Variants in CTLA4 observed in about 807,000 individuals in gnomAD.
CTLA4 encodes the protein cytotoxic T-lymphocyte protein 4.
Under a neutral mutation model 20.4 loss-of-function variants are expected in CTLA4, and 3 were observed. The ratio of observed to expected loss-of-function variants is 0.15; its 90% confidence interval spans 0.07 to 0.38. CTLA4 has a LOEUF of 0.38. Ranked by LOEUF, CTLA4 falls within the 10% of genes least tolerant of loss-of-function variation. The pLI, the probability that CTLA4 is intolerant of heterozygous loss-of-function variation, is 1.00. For synonymous variants in CTLA4, 100 were observed against 105.2 expected, an observed-to-expected ratio of 0.95 and a Z score of 0.30; for missense variants, 184 against 276.8, an observed-to-expected ratio of 0.66 and a Z score of 2.38.
chr2:203,873,196 C>T lies in CTLA4; in HGVS notation c.*384C>T, dbSNP rs1047653322. 7.2e-5 allele frequency: 29 copies of T among 402,204 alleles called. No homozygotes were observed. The highest frequency in any genetic ancestry group is 6.2e-4 in the Middle Eastern group (1 of 1,618). 24.9% of individuals were successfully genotyped at this position (402,204 alleles called of 1,614,324 possible). ...TATTTACGTATGAGACGTTTATAGC[C>T]GAAATGATCTTTTCAAGTTAAATTT... On this transcript the variant is annotated 3_prime_UTR_variant, in exon 4 of 4. Transcript: ENST00000648405.
In CTLA4 at chr2:203,867,911, C is replaced by T. The variant is rs769380431; in HGVS notation, c.-32C>T. 14 of 1,547,806 alleles carry T rather than the reference C, an allele frequency of 9.0e-6. No individual in the cohort carries two copies. The highest frequency in any genetic ancestry group is 1.2e-5 in the Non-Finnish European group (14 of 1,121,032). ...GATCCTGAAAGGTTTTGCTCTACTT[C>T]CTGAAGACCTGAACACCGCTCCCAT... On this transcript the variant is annotated 5_prime_UTR_variant, in exon 1 of 4. Transcript: ENST00000648405.
chr2:203,868,083 G>T lies in CTLA4; in HGVS notation c.109+32G>T, dbSNP rs372230996. 8.6e-6 allele frequency: 13 copies of T among 1,506,466 alleles called. No individual in the cohort carries two copies. The African/African-American group carries it at 1.8e-4, about 21-fold the overall frequency. The allele number at this position is 1,506,466 out of a possible 1,614,324, so 93.3% of individuals were successfully genotyped here. On this transcript the variant is annotated intron_variant, in intron 1 of 3. Transcript: ENST00000648405. ...GAGACTTTTGGAGCATGAAGATGGAGGAGGTGTTTCTCCTACCTGGGTTTC... is the reference window on the plus strand; with the variant it reads ...GAGACTTTTGGAGCATGAAGATGGATGAGGTGTTTCTCCTACCTGGGTTTC...
chr2:203,873,064 G>C lies in CTLA4; in HGVS notation c.*252G>C, dbSNP rs1166910722. On this transcript the variant is annotated 3_prime_UTR_variant, in exon 4 of 4. Transcript: ENST00000648405. ...GAAAGCATCACTTGGGATTAATATG[G>C]GGATGCAGCATTATGATGTGGGTCA... 1 of 578,752 alleles carries C rather than the reference G, an allele frequency of 1.7e-6. No homozygotes were observed. The highest frequency in any genetic ancestry group is 1.9e-5 in the African/African-American group (1 of 53,650). 35.9% of individuals were successfully genotyped at this position (578,752 alleles called of 1,614,324 possible).
At chr2:203,869,232 A>G (rs939602422) in intron 1 of CTLA4, among the ~76,000 whole-genome samples, 23 of 152,210 alleles carry the variant, frequency 1.5e-4, no homozygotes, top group Non-Finnish European at 2.6e-4. Context: ...ACCACAAGTA[A>G]AAGAGTGAGG....
rs552163643 is a variant in CTLA4 at position 203,873,436 on chromosome 2, A to T, written c.*624A>T. On this transcript the variant is annotated 3_prime_UTR_variant, in exon 4 of 4. Coordinates refer to ENST00000648405, the MANE Select transcript of CTLA4 (RefSeq NM_005214.5). ...CCACGTATGTTTTTGTGTATTTGTTAATGGTTTGAATATAAACACTATATG... is the reference window on the plus strand; with the variant it reads ...CCACGTATGTTTTTGTGTATTTGTTTATGGTTTGAATATAAACACTATATG... The T allele has an allele frequency of 4.6e-6, 1 of 217,044 alleles. No homozygotes were observed. The highest frequency in any genetic ancestry group is 1.8e-4 in the South Asian group (1 of 5,432). 13.4% of individuals were successfully genotyped at this position (217,044 alleles called of 1,614,324 possible).
chr2:203,870,590 G>A lies in CTLA4; in HGVS notation c.114G>A (p.Met38Ile). ...CCTTTGGCTTTTCCATGCTAGCAAT[G>A]CACGTGGCCCAGCCTGCTGTGGTAC... is the stretch of plus-strand genomic sequence containing the variant. ...LLFIPVFCKA[M>I]HVAQPAVVLA... Residue 38 changes from methionine (M) to isoleucine (I), a missense_variant, in exon 2 of 4, where the codon ATG (methionine) becomes ATA (isoleucine). Transcript: ENST00000648405. This position sits in a 1 kb window ranked among gnomAD's most constrained non-coding sequence, Gnocchi z 5.3. 1.2e-6 allele frequency: 2 copies of A among 1,613,000 alleles called. No homozygotes were observed. The highest frequency in any genetic ancestry group is 1.7e-6 in the Non-Finnish European group (2 of 1,179,064).
At position 203,873,366 on chromosome 2, in the gene CTLA4, ATATATATATATATATATT is replaced by A. The variant is rs1688772742; in HGVS notation, c.*556_*573del. 1 of 26,238 alleles carries A rather than the reference ATATATATATATATATATT, an allele frequency of 3.8e-5. No individual in the cohort carries two copies. 1.6% of individuals were successfully genotyped at this position (26,238 alleles called of 1,614,324 possible). A position where few individuals can be genotyped will look rare whatever the true frequency, so the allele number is the denominator to read the frequency against. On this transcript the variant is annotated 3_prime_UTR_variant, in exon 4 of 4. Transcript: ENST00000648405. ...TATATATATATATATATATATATAT[ATATATATATATATATATT>A]TTAATTTGATAGTATTGTGCATAGA...
At chr2:203,871,250 A>G in intron 2 of CTLA4, 128 bp from the exon 3 acceptor site, 1 of 754,886 alleles carries the variant, frequency 1.3e-6, no homozygotes, top group Non-Finnish European at 2.2e-6. Flanking sequence ...TTGGTGGGCT[A>G]CCCATGCAAT....
Position 203,867,859 on chromosome 2 carries a change from G to T in CTLA4, c.-84G>T. Reference sequence around the variant, plus strand: ...CTATATAAAGTCCTTGATTCTGTGTGGGTTCAAACACATTTCAAAGCTTCA... The same window carrying T: ...CTATATAAAGTCCTTGATTCTGTGTTGGTTCAAACACATTTCAAAGCTTCA... On this transcript the variant is annotated 5_prime_UTR_variant, in exon 1 of 4. Transcript: ENST00000648405. The T allele has an allele frequency of 1.1e-6, 1 of 919,542 alleles. No individual in the cohort carries two copies. The highest frequency in any genetic ancestry group is 2.5e-5 in the East Asian group (1 of 39,618). 57.0% of individuals were successfully genotyped at this position (919,542 alleles called of 1,614,324 possible).
At chr2:203,871,520 A>T in intron 3 of CTLA4, 33 bp downstream of exon 3, 1 of 1,508,540 alleles carries the variant, frequency 6.6e-7, no homozygotes, top group South Asian at 1.1e-5. Flanking sequence ...ACCATGTCTG[A>T]TGGGGATACC....
chr2:203,869,607 G>A (rs1688691841), intron 1 of CTLA4, among the ~76,000 whole-genome samples: 1 of 152,204 alleles, frequency 6.6e-6, no homozygotes. Context: ...ATTTGTTTTT[G>A]CGATCAGTGT....
chr2:203,871,511 C>G (rs1688732618), intron 3 of CTLA4, 24 bp downstream of exon 3: 1 of 1,557,446 alleles, frequency 6.4e-7, no homozygotes, highest in African/African-American at 1.4e-5. Context: ...TGATGGTGCA[C>G]CATGTCTGAT....
At chr2:203,868,738 G>A (rs1484086759) in intron 1 of CTLA4, among the ~76,000 whole-genome samples, 3 of 152,036 alleles carry the variant, frequency 2.0e-5, no homozygotes, top group African/African-American at 2.4e-5. Flanking sequence ...CCTGACCTAC[G>A]TGTGGGTTTC....
intron 1 of CTLA4, 118 bp downstream of exon 1, chr2:203,868,169 C>G: frequency 2.6e-6 from 2 of 779,050 alleles, no homozygotes; most frequent in Non-Finnish European, 4.2e-6. Flanking sequence ...AGGTAAAACT[C>G]CAATCTGGCT....
rs1688772241 is a variant in CTLA4, at chr2:203,873,361, TATATATATATATATATATATA to T, written c.*550_*570del. 4.0e-4 allele frequency: 21 copies of T among 52,206 alleles called. No homozygotes were observed. The highest frequency in any genetic ancestry group is 8.4e-4 in the African/African-American group (16 of 18,974). 3.2% of individuals were successfully genotyped at this position (52,206 alleles called of 1,614,324 possible). A position where few individuals can be genotyped will look rare whatever the true frequency, so the allele number is the denominator to read the frequency against. Reference sequence around the variant, plus strand: ...ATATATATATATATATATATATATATATATATATATATATATATATATTTTAATTTGATAGTATTGTGCATA... The same window carrying T: ...ATATATATATATATATATATATATATTTTTAATTTGATAGTATTGTGCATA... On this transcript the variant is annotated 3_prime_UTR_variant, in exon 4 of 4. Transcript: ENST00000648405.
In CTLA4 at chr2:203,870,681, G is replaced by A. The variant is rs557116456; in HGVS notation, c.205G>A (p.Val69Ile). The A allele has an allele frequency of 3.7e-6, 6 of 1,614,212 alleles. No individual in the cohort carries two copies. In the African/African-American group the frequency reaches 5.3e-5, roughly 14 times the overall value. The change falls in exon 2 of 4, where the codon GTC becomes ATC. Residue 69 changes from valine to isoleucine, a missense_variant. Around this residue, in one of 3 missense-constraint regions of CTLA4, gnomAD observed 147 missense variants for 223.4 expected, o/e 0.66. Coordinates refer to ENST00000648405, the MANE Select transcript of CTLA4 (RefSeq NM_005214.5). This position sits in a 1 kb window ranked among gnomAD's most constrained non-coding sequence, Gnocchi z 5.3. ...EYASPGKATE[V>I]RVTVLRQADS... ...TGCATCTCCAGGCAAAGCCACTGAG[G>A]TCCGGGTGACAGTGCTTCGGCAGGC...
In CTLA4 at chr2:203,870,733, C is replaced by T. The variant is rs376038796; in HGVS notation, c.257C>T (p.Ala86Val). 30 of 1,614,182 alleles carry T rather than the reference C, an allele frequency of 1.9e-5. No individual in the cohort carries two copies. Among genetic ancestry groups the T allele is most frequent in the African/African-American group, 9.3e-5 (7 of 75,038 alleles). Reference protein sequence around the residue: ...QADSQVTEVCAATYMMGNELT... With the variant: ...QADSQVTEVCVATYMMGNELT... ...GACAGCCAGGTGACTGAAGTCTGTG[C>T]GGCAACCTACATGATGGGGAATGAG... Residue 86 changes from alanine (A) to valine (V), a missense_variant, in exon 2 of 4, where the codon GCG (alanine) becomes GTG (valine). By Grantham distance (64) the Ala-to-Val change is moderately conservative. This residue lies in a region of CTLA4 where 147 missense variants were observed against 223.4 expected (regional missense o/e 0.66). Coordinates refer to ENST00000648405, the MANE Select transcript of CTLA4 (RefSeq NM_005214.5). The surrounding 1 kb of genome is among the most constrained non-coding windows in gnomAD (Gnocchi z 5.3).
At position 203,873,195 on chromosome 2, in the gene CTLA4, C is replaced by T; in HGVS notation, c.*383C>T. 1 of 403,290 alleles carries T rather than the reference C, an allele frequency of 2.5e-6. No individual in the cohort carries two copies. Among genetic ancestry groups the T allele is most frequent in the Non-Finnish European group, 4.4e-6 (1 of 228,454 alleles). 25.0% of individuals were successfully genotyped at this position (403,290 alleles called of 1,614,324 possible). A position where few individuals can be genotyped will look rare whatever the true frequency, so the allele number is the denominator to read the frequency against. On this transcript the variant is annotated 3_prime_UTR_variant, in exon 4 of 4. Transcript: ENST00000648405. ...ATATTTACGTATGAGACGTTTATAG[C>T]CGAAATGATCTTTTCAAGTTAAATT... is the stretch of plus-strand genomic sequence containing the variant.
In CTLA4 at chr2:203,871,436, G is replaced by A. The variant is rs375949600; in HGVS notation, c.516G>A (p.Ser172=). 67 of 1,614,022 alleles carry A rather than the reference G, an allele frequency of 4.2e-5. No homozygotes were observed. In the African/African-American group the frequency reaches 6.7e-4, roughly 16 times the overall value. ...TCTGGATCCTTGCAGCAGTTAGTTC[G>A]GGGTTGTTTTTTTATAGCTTTCTCC... is the stretch of plus-strand genomic sequence containing the variant. ...FLLWILAAVS[S]GLFFYSFLLT... The change falls in exon 3 of 4, where the codon TCG becomes TCA. Residue 172 remains serine (S), a synonymous_variant. Coordinates refer to ENST00000648405, the MANE Select transcript of CTLA4 (RefSeq NM_005214.5).
Sources: gnomAD v4.1 joint callset for allele counts (sites outside exome capture counted in the v4.1 genomes callset) on GRCh38, gnomAD v4.1.1 for gene constraint, gnomAD v4.1.1 regional missense constraint, Gnocchi (gnomAD v3.1) non-coding constraint, MANE v1.5 for transcripts, NCBI Gene and HGNC (gene_info 2026-07-23, HGNC 2026-07-21) for gene names.